The following PPP1R9B variants were observed in gnomAD, a reference collection of about 807,000 sequenced individuals.
The protein encoded by PPP1R9B is neurabin-2.
In PPP1R9B, 17 loss-of-function variants were observed where a neutral mutation model predicts 75.8. The observed-to-expected ratio is 0.22, with a 90% CI of 0.15 to 0.34. PPP1R9B has a LOEUF of 0.34. PPP1R9B is among the 10% of genes least tolerant of loss of function. The pLI is 1.00. For synonymous variants in PPP1R9B, 509 were observed against 535.4 expected, an observed-to-expected ratio of 0.95 and a Z score of 0.68; for missense variants, 875 against 1,196.0, an observed-to-expected ratio of 0.73 and a Z score of 3.96.
chr17:50,148,032 G>A (rs1057180990), intron 1 of PPP1R9B, among the ~76,000 whole-genome samples: 1 of 152,296 alleles, frequency 6.6e-6, no homozygotes, highest in Middle Eastern at 3.4e-3. Context: ...GGGCGGACCT[G>A]GGGCCGGGTG....
Position 50,149,238 on chromosome 17 carries a change from C to T in PPP1R9B, c.1276G>A (p.Glu426Lys), listed in dbSNP as rs1478948873. The T allele has an allele frequency of 6.2e-7, 1 of 1,611,784 alleles. No individual in the cohort carries two copies. The highest frequency in any genetic ancestry group is 1.7e-5 in the Admixed American group (1 of 59,868). Residue 426 changes from glutamate (E) to lysine (K), a missense_variant, in exon 1 of 10, where the codon GAG (glutamate) becomes AAG (lysine). By Grantham distance (56) the Glu-to-Lys change is moderately conservative (BLOSUM62 1). Coordinates refer to ENST00000612501, the MANE Select transcript of PPP1R9B (RefSeq NM_032595.5). The surrounding 1 kb of genome is among the most constrained non-coding windows in gnomAD (Gnocchi z 7.2). ...ATCTCCACGCACCCCGACTCGGGCT[C>T]GTAGGGGGGCTCCCCATCCTCCTCG... ...DDEEDGEPPY[E>K]PESGCVEIPG...
rs757631152 is a variant in PPP1R9B, at chr17:50,134,186, G to A, written c.*1145C>T. The A allele has an allele frequency of 6.6e-6, 1 of 152,624 alleles. No homozygotes were observed. Among genetic ancestry groups the A allele is most frequent in the Non-Finnish European group, 1.5e-5 (1 of 68,034 alleles). 9.5% of individuals were successfully genotyped at this position (152,624 alleles called of 1,614,324 possible). ...GGGGGAGGTGGTCTCACCTCCCTTG[G>A]TCCAAGCCCCAATTTGGGGTTAAAG... On this transcript the variant is annotated 3_prime_UTR_variant, in exon 10 of 10. Coordinates refer to ENST00000612501, the MANE Select transcript of PPP1R9B (RefSeq NM_032595.5).
rs781347508 is a variant in PPP1R9B, at chr17:50,149,487, G to T, written c.1027C>A (p.Pro343Thr). The part of the protein sequence containing the change: ...STVATAASPA[P>T]EEPKAQAAPE... ...GCCGCTTGGGCCTTTGGCTCCTCGG[G>T]CGCGGGGCTGGCTGCAGTTGCCACG... is the stretch of plus-strand genomic sequence containing the variant. The change falls in exon 1 of 10, where the codon CCC becomes ACC. Residue 343 changes from proline to threonine, a missense_variant. Pro to Thr is a conservative substitution (Grantham distance 38, BLOSUM62 -1). This residue lies in a region of PPP1R9B where 449 missense variants were observed against 475.0 expected (regional missense o/e 0.95). Coordinates refer to ENST00000612501, the MANE Select transcript of PPP1R9B (RefSeq NM_032595.5). This position sits in a 1 kb window ranked among gnomAD's most constrained non-coding sequence, Gnocchi z 7.2. The T allele has an allele frequency of 7.5e-6, 12 of 1,598,900 alleles. No individual in the cohort carries two copies. The South Asian group carries it at 1.0e-4, about 13-fold the overall frequency.
chr17:50,150,504 T>C lies in PPP1R9B; in HGVS notation c.10A>G (p.Thr4Ala). Reference protein sequence around the residue: MMKTEPRGPGGPLR... With the variant: MMKAEPRGPGGPLR... ...GGACCCCCGGGCCCCCGTGGCTCCG[T>C]CTTCATCATGGTGGGGGGAGCCGGG... Residue 4 changes from threonine to alanine, a missense_variant, in exon 1 of 10, where the codon ACG becomes GCG. By Grantham distance (58) the Thr-to-Ala change is moderately conservative. Coordinates refer to ENST00000612501, the MANE Select transcript of PPP1R9B (RefSeq NM_032595.5). The surrounding 1 kb of genome is among the most constrained non-coding windows in gnomAD (Gnocchi z 8.7). 3.0e-6 allele frequency: 4 copies of C among 1,344,614 alleles called. No homozygotes were observed. Among genetic ancestry groups the C allele is most frequent in the Non-Finnish European group, 3.8e-6 (4 of 1,046,004 alleles). 83.3% of individuals were successfully genotyped at this position (1,344,614 alleles called of 1,614,324 possible). A position where few individuals can be genotyped will look rare whatever the true frequency, so the allele number is the denominator to read the frequency against.
At chr17:50,136,677 G>A (rs1034022644) in intron 7 of PPP1R9B, among the ~76,000 whole-genome samples, 10 of 152,036 alleles carry the variant, frequency 6.6e-5, no homozygotes, top group Non-Finnish European at 1.5e-4. Context: ...GAACAATCCT[G>A]GTTCTCTCCC....
At position 50,139,580 on chromosome 17, in the gene PPP1R9B, G is replaced by A. The variant is rs374167365; in HGVS notation, c.1868C>T (p.Thr623Met). Residue 623 changes from threonine to methionine, a missense_variant and splice_region_variant, in exon 6 of 10, where the codon ACG (threonine) becomes ATG (methionine). By Grantham distance (81) the Thr-to-Met change is moderately conservative. Transcript: ENST00000612501. The surrounding 1 kb of genome is among the most constrained non-coding windows in gnomAD (Gnocchi z 5.0). Reference protein sequence around the residue: ...YAQYGEDDEETGEYATDEDEE... With the variant: ...YAQYGEDDEEMGEYATDEDEE... The stretch of plus-strand genomic sequence containing the variant: ...ATCCTCGTCAGTGGCATACTCTCCC[G>A]TCTGCGAAGGGAGACCGGAGACTGT... 34 of 1,544,814 alleles carry A rather than the reference G, an allele frequency of 2.2e-5. No individual in the cohort carries two copies. The highest frequency in any genetic ancestry group is 1.8e-4 in the Middle Eastern group (1 of 5,700).
Position 50,142,734 on chromosome 17 carries a change from C to T in PPP1R9B, c.1625+864G>A, listed in dbSNP as rs923396618. Among the ~76,000 whole-genome samples the T allele has an allele frequency of 6.6e-6, 1 of 152,166 alleles. No homozygotes were observed. Among genetic ancestry groups the T allele is most frequent in the Non-Finnish European group, 1.5e-5 (1 of 68,012 alleles). ...ACACCCCTGGAATACACAGCTAACA[C>T]AGGGGTCCCTGGCTGGCACACAGCT... On this transcript the variant is annotated intron_variant, in intron 3 of 9. Transcript: ENST00000612501. The surrounding 1 kb of genome is among the most constrained non-coding windows in gnomAD (Gnocchi z 4.1).
chr17:50,150,489 G>A lies in PPP1R9B; in HGVS notation c.25C>T (p.Pro9Ser), dbSNP rs1476141742. 3.7e-6 allele frequency: 5 copies of A among 1,360,612 alleles called. No homozygotes were observed. Among genetic ancestry groups the A allele is most frequent in the South Asian group, 1.7e-5 (1 of 58,562 alleles). The allele number at this position is 1,360,612 out of a possible 1,614,324, so 84.3% of individuals were successfully genotyped here. Residue 9 changes from proline (P) to serine (S), a missense_variant, in exon 1 of 10, where the codon CCC becomes TCC. Physicochemically the swap from Pro to Ser is moderately conservative, Grantham distance 74 (BLOSUM62 -1). Around this residue, in one of 4 missense-constraint regions of PPP1R9B, gnomAD observed 145 missense variants for 226.1 expected, o/e 0.64. Coordinates refer to ENST00000612501, the MANE Select transcript of PPP1R9B (RefSeq NM_032595.5). The surrounding 1 kb of genome is among the most constrained non-coding windows in gnomAD (Gnocchi z 8.7). MMKTEPRG[P>S]GGPLRSASPH... Reference sequence around the variant, plus strand: ...GAGGCGCTCCGGAGGGGACCCCCGGGCCCCCGTGGCTCCGTCTTCATCATG... The same window carrying A: ...GAGGCGCTCCGGAGGGGACCCCCGGACCCCCGTGGCTCCGTCTTCATCATG...
chr17:50,142,697 C>T lies in PPP1R9B; in HGVS notation c.1625+901G>A, dbSNP rs1331660143. ...GGGGGATGCCCTACAGCCCTTCCTA[C>T]TGCCACTCCCCACACCCCTGGAATA... is the stretch of plus-strand genomic sequence containing the variant. On this transcript the variant is annotated intron_variant, in intron 3 of 9. Coordinates refer to ENST00000612501, the MANE Select transcript of PPP1R9B (RefSeq NM_032595.5). The surrounding 1 kb of genome is among the most constrained non-coding windows in gnomAD (Gnocchi z 4.1). Among the ~76,000 whole-genome samples the T allele has an allele frequency of 6.6e-6, 1 of 152,148 alleles. No individual in the cohort carries two copies. Among genetic ancestry groups the T allele is most frequent in the African/African-American group, 2.4e-5 (1 of 41,420 alleles).
intron 1 of PPP1R9B, among the ~76,000 whole-genome samples, chr17:50,148,377 T>C (rs2144457715): frequency 6.6e-6 from 1 of 152,316 alleles, no homozygotes; most frequent in Non-Finnish European, 1.5e-5. Flanking sequence ...TGCCCACTAC[T>C]GCCAGGCACC....
In PPP1R9B at chr17:50,142,682, C is replaced by G. The variant is rs1057432600; in HGVS notation, c.1625+916G>C. On this transcript the variant is annotated intron_variant, in intron 3 of 9. Coordinates refer to ENST00000612501, the MANE Select transcript of PPP1R9B (RefSeq NM_032595.5). The surrounding 1 kb of genome is among the most constrained non-coding windows in gnomAD (Gnocchi z 4.1). ...ACTTACAGCCACCCTGGGGGATGCCCTACAGCCCTTCCTACTGCCACTCCC... is the reference window on the plus strand; with the variant it reads ...ACTTACAGCCACCCTGGGGGATGCCGTACAGCCCTTCCTACTGCCACTCCC... Among the ~76,000 whole-genome samples the G allele has an allele frequency of 6.6e-6, 1 of 152,112 alleles. No homozygotes were observed. Among genetic ancestry groups the G allele is most frequent in the African/African-American group, 2.4e-5 (1 of 41,416 alleles).
intron 3 of PPP1R9B, 56 bp from the exon 4 acceptor site, chr17:50,141,429 G>A: frequency 8.4e-7 from 1 of 1,189,034 alleles, no homozygotes; most frequent in Non-Finnish European, 1.2e-6. Context: ...CGAGGGTAGA[G>A]GTAGCCTCCT....
Position 50,139,184 on chromosome 17 carries a change from G to A in PPP1R9B, c.2073+79C>T, listed in dbSNP as rs1912303876. On this transcript the variant is annotated intron_variant, in intron 7 of 9. Coordinates refer to ENST00000612501, the MANE Select transcript of PPP1R9B (RefSeq NM_032595.5). The surrounding 1 kb of genome is among the most constrained non-coding windows in gnomAD (Gnocchi z 5.0). ...TACCTGTGCCTAAGTGTCAGCATGTGCAGGTGTGAGGGTAGGGGGACCCTG... is the reference window on the plus strand; with the variant it reads ...TACCTGTGCCTAAGTGTCAGCATGTACAGGTGTGAGGGTAGGGGGACCCTG... 1 of 1,506,990 alleles carries A rather than the reference G, an allele frequency of 6.6e-7. No individual in the cohort carries two copies. Among genetic ancestry groups the A allele is most frequent in the South Asian group, 1.1e-5 (1 of 88,880 alleles). The allele number at this position is 1,506,990 out of a possible 1,614,324, so 93.4% of individuals were successfully genotyped here.
chr17:50,150,268 C>A lies in PPP1R9B; in HGVS notation c.246G>T (p.Glu82Asp). ...GEAGGGAGLA[E>D]APRASERGVR... Reference sequence around the variant, plus strand: ...CGCCGCGCTCGGACGCCCGTGGGGCCTCGGCCAGGCCCGCGCCGCCGCCCG... The same window carrying A: ...CGCCGCGCTCGGACGCCCGTGGGGCATCGGCCAGGCCCGCGCCGCCGCCCG... Residue 82 changes from glutamate to aspartate, a missense_variant, in exon 1 of 10, where the codon GAG becomes GAT. This residue lies in a region of PPP1R9B where 145 missense variants were observed against 226.1 expected (regional missense o/e 0.64). Transcript: ENST00000612501. This position sits in a 1 kb window ranked among gnomAD's most constrained non-coding sequence, Gnocchi z 8.7. The A allele has an allele frequency of 7.0e-7, 1 of 1,437,592 alleles. No homozygotes were observed. The highest frequency in any genetic ancestry group is 9.2e-7 in the Non-Finnish European group (1 of 1,091,470). 89.1% of individuals were successfully genotyped at this position (1,437,592 alleles called of 1,614,324 possible).
chr17:50,143,765 C>A lies in PPP1R9B; in HGVS notation c.1505-47G>T, dbSNP rs185252077. On this transcript the variant is annotated intron_variant, in intron 2 of 9. Coordinates refer to ENST00000612501, the MANE Select transcript of PPP1R9B (RefSeq NM_032595.5). ...GATGGCAGGGCTTGTAGGGGACAGA[C>A]GAGAGACTCTCCACCCCGAATTCCA... 2.2e-5 allele frequency: 35 copies of A among 1,607,708 alleles called. No homozygotes were observed. The African/African-American group carries it at 2.7e-4, about 12-fold the overall frequency.
intron 7 of PPP1R9B, among the ~76,000 whole-genome samples, chr17:50,136,491 C>T (rs1912234347): frequency 6.6e-6 from 1 of 152,160 alleles, no homozygotes; most frequent in Non-Finnish European, 1.5e-5. Context: ...CAACTAATGT[C>T]CCAAGCCTCA....
At chr17:50,147,893 T>C (rs1912556089) in intron 1 of PPP1R9B, among the ~76,000 whole-genome samples, 2 of 151,920 alleles carry the variant, frequency 1.3e-5, no homozygotes, top group African/African-American at 4.8e-5. Context: ...GAGAGGAAAG[T>C]TGGGAAGCTT....
chr17:50,137,944 A>C (rs1172443106), intron 7 of PPP1R9B, among the ~76,000 whole-genome samples: 1 of 151,924 alleles, frequency 6.6e-6, no homozygotes, highest in African/African-American at 2.4e-5. Context: ...GCATACCCCC[A>C]TGTGGGAGGG....
At position 50,139,650 on chromosome 17, in the gene PPP1R9B, G is replaced by A; in HGVS notation, c.1867-69C>T. ...GCCCTCAGCCCTGATGACCAGGGCT[G>A]GGACCAGTTGCCCATGCCAGACAGA... On this transcript the variant is annotated intron_variant, in intron 5 of 9. Coordinates refer to ENST00000612501, the MANE Select transcript of PPP1R9B (RefSeq NM_032595.5). The surrounding 1 kb of genome is among the most constrained non-coding windows in gnomAD (Gnocchi z 5.0). 6.7e-7 allele frequency: 1 copy of A among 1,490,642 alleles called. No homozygotes were observed. Among genetic ancestry groups the A allele is most frequent in the Non-Finnish European group, 9.0e-7 (1 of 1,116,376 alleles). The allele number at this position is 1,490,642 out of a possible 1,614,324, so 92.3% of individuals were successfully genotyped here. A position where few individuals can be genotyped will look rare whatever the true frequency, so the allele number is the denominator to read the frequency against.
Sources: gnomAD v4.1 joint callset for allele counts (sites outside exome capture counted in the v4.1 genomes callset) on GRCh38, gnomAD v4.1.1 for gene constraint, gnomAD v4.1.1 regional missense constraint, Gnocchi (gnomAD v3.1) non-coding constraint, MANE v1.5 for transcripts, NCBI Gene and HGNC (gene_info 2026-07-23, HGNC 2026-07-21) for gene names.